TFR2: variants seen among roughly 807,000 people sequenced by gnomAD.
TFR2 encodes transferrin receptor 2.
A neutral mutation model predicts 91.9 loss-of-function variants in TFR2; 64 were observed. The observed-to-expected ratio is 0.70, with a 90% confidence interval of 0.57 to 0.86. The LOEUF (loss-of-function observed/expected upper bound fraction) is 0.86. Ranked by LOEUF, TFR2 falls within the 40% of genes least tolerant of loss-of-function variation. The pLI is 0.00. For missense variants in TFR2, 950 were observed against 1,080.5 expected (o/e 0.88, Z 1.69); for synonymous variants, 454 against 459.6 (o/e 0.99, Z 0.15).
intron 17 of TFR2, among the ~76,000 whole-genome samples, chr7:100,624,597 G>C (rs889079513): frequency 6.6e-6 from 1 of 152,174 alleles, no homozygotes; most frequent in East Asian, 1.9e-4. Flanking sequence ...AGGGAGCAGA[G>C]GCTCACGCCT....
rs757861321 is a variant in TFR2, at chr7:100,627,510, C to T, written c.1768-19G>A. On this transcript the variant is annotated intron_variant, in intron 15 of 17. Transcript: ENST00000223051. The stretch of plus-strand genomic sequence containing the variant: ...GGTCGTCCTGCCAGGACAGGGTGGA[C>T]GCTGGGGCGGAGGCAGACAGGCTGA... 9.3e-6 allele frequency: 15 copies of T among 1,613,318 alleles called. No homozygotes were observed. Among genetic ancestry groups the T allele is most frequent in the Middle Eastern group, 1.6e-4 (1 of 6,062 alleles).
rs1016899850 is a variant in TFR2 at position 100,632,028 on chromosome 7, A to C, written c.966+54T>G. 24 of 1,613,976 alleles carry C rather than the reference A, an allele frequency of 1.5e-5. No individual in the cohort carries two copies. The African/African-American group carries it at 2.4e-4, about 16-fold the overall frequency. On this transcript the variant is annotated intron_variant, in intron 7 of 17. Coordinates refer to ENST00000223051, the MANE Select transcript of TFR2 (RefSeq NM_003227.4). ...AAACATGCCAGCCCTATTCTGAGCA[A>C]GAAGGTGTGGCCTCGGGACCTGGGA...
In TFR2 at chr7:100,631,992, G is replaced by T. The variant is rs777300339; in HGVS notation, c.967-47C>A. On this transcript the variant is annotated intron_variant, in intron 7 of 17. Transcript: ENST00000223051. ...CGCAAAGCTGCGAGCTGGGCTTCCA[G>T]GAAAAACGAAAAACATGCCAGCCCT... 8.1e-6 allele frequency: 13 copies of T among 1,613,946 alleles called. No homozygotes were observed. The East Asian group carries it at 2.9e-4, about 36-fold the overall frequency.
chr7:100,620,927 A>G lies in TFR2; in HGVS notation c.2336T>C (p.Leu779Pro), dbSNP rs372198326. The G allele has an allele frequency of 8.7e-6, 14 of 1,614,044 alleles. No homozygotes were observed. Among genetic ancestry groups the G allele is most frequent in the African/African-American group, 2.7e-5 (2 of 74,946 alleles). Reference protein sequence around the residue: ...ESRFRRQLALLTWTLQGAANA... With the variant: ...ESRFRRQLALPTWTLQGAANA... ...GGCTGCCCCTTGCAGCGTCCAGGTG[A>G]GCAGGGCTAGCTGACGCCGGAAACG... The change falls in exon 18 of 18, where the codon CTC (leucine) becomes CCC (proline). Residue 779 changes from leucine to proline, a missense_variant. Leu to Pro is a moderately conservative substitution (Grantham distance 98). Coordinates refer to ENST00000223051, the MANE Select transcript of TFR2 (RefSeq NM_003227.4).
chr7:100,636,753 C>A (rs1490588481), intron 3 of TFR2, among the ~76,000 whole-genome samples: 1 of 151,972 alleles, frequency 6.6e-6, no homozygotes. Flanking sequence ...TCATCTCCCC[C>A]CACTTTCTCT....
intron 1 of TFR2, 106 bp downstream of exon 1, chr7:100,641,371 C>A: frequency 6.6e-7 from 1 of 1,510,744 alleles, no homozygotes. Flanking sequence ...TGGGAAGAAG[C>A]GAGGTCAGGA....
Position 100,629,042 on chromosome 7 carries a change from C to T in TFR2, c.1390+211G>A, listed in dbSNP as rs4548095. ...CCTCCCAAAGTGCTGGGACTACAGG[C>T]GTGAGCTACCGCACCCGGCCTCACT... On this transcript the variant is annotated intron_variant, in intron 10 of 17. Transcript: ENST00000223051. 0.69 allele frequency among the ~76,000 whole-genome samples: 105,335 copies of T among 152,046 alleles called. 37,128 individuals carry two copies. The highest frequency in any genetic ancestry group is 0.81 in the African/African-American group (33,548 of 41,482).
chr7:100,626,475 G>A, intron 17 of TFR2: 2 of 1,304,482 alleles, frequency 1.5e-6, no homozygotes, highest in Non-Finnish European at 2.0e-6. Flanking sequence ...GAGTCAGCGG[G>A]GAGGGGTGGG....
In TFR2 at chr7:100,626,934, C is replaced by T. The variant is rs755404154; in HGVS notation, c.1996-31G>A. ...GTGGGGAGGCGCGGGCTGGGGCTGG[C>T]GGCAGGGGCCAGGACCCCCGCCTAG... On this transcript the variant is annotated intron_variant, in intron 16 of 17. Transcript: ENST00000223051. 4.6e-6 allele frequency: 7 copies of T among 1,527,020 alleles called. No individual in the cohort carries two copies. The South Asian group carries it at 4.8e-5, about 11-fold the overall frequency. The allele number at this position is 1,527,020 out of a possible 1,614,324, so 94.6% of individuals were successfully genotyped here.
rs563171639 is a variant in TFR2, at chr7:100,633,451, G to A, written c.579C>T (p.Thr193=). The A allele has an allele frequency of 6.2e-7, 1 of 1,612,842 alleles. No homozygotes were observed. The highest frequency in any genetic ancestry group is 1.1e-5 in the South Asian group (1 of 91,026). Residue 193 remains threonine, a synonymous_variant, in exon 4 of 18, where the codon ACC becomes ACT. Coordinates refer to ENST00000223051, the MANE Select transcript of TFR2 (RefSeq NM_003227.4). ...LSRQKLDHVW[T]DTHYVGLQFP... is the part of the protein sequence containing the mutation. ...ATTGCAGCCCCACGTAGTGCGTGTC[G>A]GTCCACACGTGGTCCAGCTTCTGGC...
intron 9 of TFR2, among the ~76,000 whole-genome samples, chr7:100,630,097 G>A (rs1803388624): frequency 6.6e-6 from 1 of 152,092 alleles, no homozygotes; most frequent in African/African-American, 2.4e-5. Context: ...TGCCCCATCT[G>A]TCAATTACTT....
chr7:100,638,437 CCT>C (rs1803621084), intron 3 of TFR2, among the ~76,000 whole-genome samples: 1 of 151,262 alleles, frequency 6.6e-6, no homozygotes, highest in African/African-American at 2.4e-5. Context: ...CATAGGGAGA[CCT>C]CGTTTCTACT....
intron 17 of TFR2, among the ~76,000 whole-genome samples, chr7:100,625,742 G>A (rs1325344718): frequency 2.6e-5 from 4 of 151,944 alleles, no homozygotes; most frequent in Non-Finnish European, 5.9e-5. Flanking sequence ...AAATTTAGCC[G>A]GGCGTCATGG....
rs1013990276 is a variant in TFR2 at position 100,629,448 on chromosome 7, C to T, written c.1271-76G>A. On this transcript the variant is annotated intron_variant, in intron 9 of 17. Transcript: ENST00000223051. Reference sequence around the variant, plus strand: ...GGGGGCATCCTCCATCTGCCTGTGTCTCTCAGCCCATCACAATTCCGGCAA... The same window carrying T: ...GGGGGCATCCTCCATCTGCCTGTGTTTCTCAGCCCATCACAATTCCGGCAA... 3.7e-6 allele frequency: 6 copies of T among 1,602,980 alleles called. No individual in the cohort carries two copies. The African/African-American group carries it at 8.0e-5, about 21-fold the overall frequency.
rs538664902 is a variant in TFR2 at position 100,620,784 on chromosome 7, G to A, written c.*73C>T. ...GAGGTGGACTCTGAGCCACCTCCCTGACCCTGAATCATTCAAGCGAGGAGC... is the reference window on the plus strand; with the variant it reads ...GAGGTGGACTCTGAGCCACCTCCCTAACCCTGAATCATTCAAGCGAGGAGC... On this transcript the variant is annotated 3_prime_UTR_variant, in exon 18 of 18. Transcript: ENST00000223051. 13 of 1,598,366 alleles carry A rather than the reference G, an allele frequency of 8.1e-6. No homozygotes were observed. Among genetic ancestry groups the A allele is most frequent in the South Asian group, 1.1e-5 (1 of 89,738 alleles).
At chr7:100,626,461 A>C in intron 17 of TFR2, 1 of 694,062 alleles carries the variant, frequency 1.4e-6, no homozygotes, top group African/African-American at 2.9e-5. Context: ...GAGCTATAGG[A>C]GGGGAGTCAG....
chr7:100,637,894 C>T lies in TFR2; in HGVS notation c.473+2792G>A, dbSNP rs1366760389. ...TTGCCCAGGCTGGAGTGCAATGGCA[C>T]GACGTTGACTCACCGCAACCTCCGC... On this transcript the variant is annotated intron_variant, in intron 3 of 17. Transcript: ENST00000223051. 1.1e-3 allele frequency among the ~76,000 whole-genome samples: 174 copies of T among 151,482 alleles called. 1 individual carries two copies. The highest frequency in any genetic ancestry group is 2.8e-4 in the Non-Finnish European group (19 of 67,880).
intron 10 of TFR2, 149 bp downstream of exon 10, chr7:100,629,104 G>A: frequency 9.5e-7 from 1 of 1,055,516 alleles, no homozygotes; most frequent in Non-Finnish European, 1.4e-6. Context: ...TGAAGTGACT[G>A]GCCCAGGGCC....
At chr7:100,627,184 C>A in intron 16 of TFR2, 80 bp downstream of exon 16, 1 of 1,453,166 alleles carries the variant, frequency 6.9e-7, no homozygotes, top group Non-Finnish European at 9.4e-7. Context: ...CCAGGGAATG[C>A]AGAGAGAAGG....
Sources: allele counts gnomAD v4.1 joint callset (sites outside exome capture counted in the v4.1 genomes callset), GRCh38; gene constraint gnomAD v4.1.1; transcripts MANE v1.5; gene names NCBI Gene and HGNC (gene_info 2026-07-23, HGNC 2026-07-21).